Variants in COA1 observed in about 807,000 individuals in gnomAD.
COA1 encodes the protein cytochrome c oxidase assembly factor 1, also known as cytochrome c oxidase assembly factor 1 homolog.
A neutral mutation model predicts 16.0 loss-of-function variants in COA1; 13 were observed. The ratio of observed to expected loss-of-function variants is 0.81; its 90% CI spans 0.53 to 1.29. COA1 has a LOEUF of 1.29. COA1 is among the 50% of genes most tolerant of loss of function. COA1 has a pLI of 0.00. For missense variants in COA1, 179 were observed against 177.0 expected (o/e 1.01, Z -0.06); for synonymous variants, 65 against 65.7 (o/e 0.99, Z 0.05).
intron 4 of COA1, among the ~76,000 whole-genome samples, chr7:43,644,762 G>GATTGATAGATAGATAGA (rs1563228848): frequency 5.0e-5 from 4 of 80,104 alleles, no homozygotes; most frequent in African/African-American, 1.7e-4. Context: ...AGATAGATAG[G>GATTGATAGATAGATAGA]CAGGCAGGCA....
At chr7:43,723,398 T>G (rs1372939685) in intron 1 of COA1, among the ~76,000 whole-genome samples, 1 of 152,198 alleles carries the variant, frequency 6.6e-6, no homozygotes, top group Non-Finnish European at 1.5e-5. Context: ...CATCTCCTAA[T>G]CTTCAACTAA....
intron 4 of COA1, among the ~76,000 whole-genome samples, chr7:43,642,580 A>T (rs182450364): frequency 3.2e-4 from 48 of 152,338 alleles, no homozygotes; most frequent in Admixed American, 1.2e-3. Flanking sequence ...TTAAAAAAAA[A>T]TTTAAAAAGG....
At chr7:43,616,559 G>C (rs2083363181) in intron 6 of COA1, among the ~76,000 whole-genome samples, 1 of 152,242 alleles carries the variant, frequency 6.6e-6, no homozygotes, top group East Asian at 1.9e-4. Context: ...TAATAGAAAA[G>C]GGTAGGAAGG....
chr7:43,657,709 A>C (rs1563280039), intron 1 of COA1, among the ~76,000 whole-genome samples: 1 of 152,234 alleles, frequency 6.6e-6, no homozygotes, highest in East Asian at 1.9e-4. Context: ...GGGTGTTAAG[A>C]AAATAAGAAG....
chr7:43,682,338 T>G (rs1377156516), intron 1 of COA1, among the ~76,000 whole-genome samples: 5 of 152,236 alleles, frequency 3.3e-5, no homozygotes, highest in Non-Finnish European at 7.3e-5. Flanking sequence ...TATGGAACTA[T>G]ACGCATATTT....
intron 1 of COA1, among the ~76,000 whole-genome samples, chr7:43,687,020 A>G (rs1042864336): frequency 1.3e-5 from 2 of 152,096 alleles, no homozygotes; most frequent in African/African-American, 4.8e-5. Context: ...TATACTTTAT[A>G]ATCAATAGTC....
At chr7:43,669,454 C>G (rs945729158) in intron 1 of COA1, among the ~76,000 whole-genome samples, 10 of 152,074 alleles carry the variant, frequency 6.6e-5, no homozygotes, top group Admixed American at 2.0e-4. Context: ...AACACGGCCG[C>G]CCCCACATAT....
At chr7:43,648,370 G>C (rs2090008444) in intron 2 of COA1, 3 of 613,692 alleles carry the variant, frequency 4.9e-6, no homozygotes, top group Non-Finnish European at 8.8e-6. Flanking sequence ...GGGTTATGGA[G>C]AGGTTCCCAG....
At chr7:43,661,112 A>G (rs1387237198) in intron 1 of COA1, among the ~76,000 whole-genome samples, 1 of 152,242 alleles carries the variant, frequency 6.6e-6, no homozygotes, top group Non-Finnish European at 1.5e-5. Context: ...TTACCAAGGC[A>G]AACTTAATTT....
chr7:43,645,181 T>C (rs2088882550), intron 4 of COA1, 70 bp downstream of exon 4: 1 of 1,506,976 alleles, frequency 6.6e-7, no homozygotes, highest in Non-Finnish European at 9.1e-7. Context: ...TCCAGGACTT[T>C]CCAGGAGACA....
chr7:43,725,589 T>C (rs1020320709), intron 1 of COA1, among the ~76,000 whole-genome samples: 4 of 152,204 alleles, frequency 2.6e-5, no homozygotes, highest in Admixed American at 6.5e-5. Context: ...CTGGGCGCAA[T>C]GGCTCATGCC....
intron 1 of COA1, chr7:43,649,603 A>C (rs1186415141): frequency 6.6e-6 from 1 of 152,234 alleles, no homozygotes; most frequent in Non-Finnish European, 1.5e-5. Context: ...GATATAAGGA[A>C]TTTTCCTTGG....
chr7:43,721,889 G>A (rs137951904), intron 1 of COA1, among the ~76,000 whole-genome samples: 65 of 143,898 alleles, frequency 4.5e-4, no homozygotes, highest in African/African-American at 1.5e-3. Context: ...GCTACTTATA[G>A]CTCAAAGGCT....
intron 1 of COA1, among the ~76,000 whole-genome samples, chr7:43,702,774 T>C (rs566459029): frequency 6.6e-6 from 1 of 152,324 alleles, no homozygotes; most frequent in African/African-American, 2.4e-5. Context: ...TAGCAATCTA[T>C]CAATCTTATT....
intron 1 of COA1, among the ~76,000 whole-genome samples, chr7:43,693,667 T>C (rs1177668139): frequency 1.3e-5 from 2 of 152,126 alleles, no homozygotes; most frequent in Non-Finnish European, 2.9e-5. Context: ...TTCACCCAGC[T>C]TAGAGTCTAG....
intron 2 of COA1, 187 bp downstream of exon 2, chr7:43,648,413 C>G: frequency 1.4e-6 from 1 of 723,236 alleles, no homozygotes; most frequent in Non-Finnish European, 2.5e-6. Context: ...GCATGAGACA[C>G]GAGAGAAAGA....
intron 1 of COA1, among the ~76,000 whole-genome samples, chr7:43,668,444 TAAA>T (rs755933215): frequency 1.1e-4 from 17 of 152,340 alleles, no homozygotes; most frequent in Non-Finnish European, 1.2e-4. Flanking sequence ...AGTATAAGAC[TAAA>T]ATTTATTCTA....
chr7:43,668,495 C>CA (rs2093031084), intron 1 of COA1, among the ~76,000 whole-genome samples: 1 of 152,206 alleles, frequency 6.6e-6, no homozygotes, highest in Admixed American at 6.5e-5. Flanking sequence ...TTTGTTTTTA[C>CA]AAAAAATGAG....
At chr7:43,651,268 T>G (rs1000610168) in intron 1 of COA1, among the ~76,000 whole-genome samples, 3 of 152,188 alleles carry the variant, frequency 2.0e-5, no homozygotes, top group Non-Finnish European at 4.4e-5. Context: ...GCTTAACTGT[T>G]CGCCAAAAGG....
Sources: gnomAD v4.1 joint callset for allele counts (sites outside exome capture counted in the v4.1 genomes callset) on GRCh38, gnomAD v4.1.1 for gene constraint, MANE v1.5 for transcripts, NCBI Gene and HGNC (gene_info 2026-07-23, HGNC 2026-07-21) for gene names.